The following KAT2B variants were observed in gnomAD, a reference collection of about 807,000 sequenced individuals.
KAT2B encodes lysine acetyltransferase 2B.
KAT2B carries 36 observed loss-of-function variants against 105.9 expected under a neutral mutation model. The observed-to-expected ratio is 0.34, with a 90% CI of 0.26 to 0.45. KAT2B has a LOEUF of 0.45. Among genes scored for constraint, KAT2B ranks in the 20% least tolerant of loss-of-function variants. The pLI, the probability that KAT2B is intolerant of heterozygous loss-of-function variation, is 1.00. For synonymous variants in KAT2B, 397 were observed against 377.9 expected (o/e 1.05, Z -0.59); for missense variants, 820 against 1,021.6 (o/e 0.80, Z 2.69).
At chr3:20,075,151 C>G (rs921751079) in intron 2 of KAT2B, among the ~76,000 whole-genome samples, 1 of 151,970 alleles carries the variant, frequency 6.6e-6, no homozygotes, top group African/African-American at 2.4e-5. Context: ...ATAATCCCAG[C>G]TACTCGGGAG....
chr3:20,061,913 T>C (rs368389160), intron 1 of KAT2B, among the ~76,000 whole-genome samples: 63 of 48,198 alleles, frequency 1.3e-3, no homozygotes, highest in South Asian at 9.1e-3. Flanking sequence ...ATATATAAAA[T>C]ATGTATTATA....
intron 13 of KAT2B, among the ~76,000 whole-genome samples, chr3:20,143,455 C>G (rs911129373): frequency 4.0e-5 from 6 of 151,874 alleles, no homozygotes; most frequent in Non-Finnish European, 5.9e-5. Context: ...TAGTTCAGCC[C>G]CTGTGGAAAG....
chr3:20,110,672 C>CAAA (rs55653348), intron 5 of KAT2B, among the ~76,000 whole-genome samples: 1 of 69,472 alleles, frequency 1.4e-5, no homozygotes. Context: ...GACCCTGTCT[C>CAAA]AAAAAAAAAA....
rs759821361 is a variant in KAT2B, at chr3:20,101,413, C to T, written c.796C>T (p.Arg266Ter). 2.5e-6 allele frequency: 4 copies of T among 1,614,058 alleles called. No homozygotes were observed. The highest frequency in any genetic ancestry group is 1.7e-5 in the Admixed American group (1 of 60,016). The change falls in exon 5 of 18, where the codon CGA becomes TGA. Residue 266 changes from arginine (R) to a stop codon, truncating the protein, a stop_gained. Transcript: ENST00000263754. LOFTEE classifies it high-confidence loss of function. The stretch of plus-strand genomic sequence containing the variant: ...TTGGCATCTGGAGGCACCATCTCAA[C>T]GAAGACTGCGATCTCCCAATGATGA... ...NYWHLEAPSQ[R>*]RLRSPNDDIS...
chr3:20,107,678 AAAAC>A (rs1209974129), intron 5 of KAT2B, among the ~76,000 whole-genome samples: 2 of 151,072 alleles, frequency 1.3e-5, no homozygotes, highest in Non-Finnish European at 3.0e-5. Context: ...AAAAACCACA[AAAAC>A]AAAAAACCCA....
intron 2 of KAT2B, among the ~76,000 whole-genome samples, chr3:20,079,321 C>A (rs1358057891): frequency 1.3e-5 from 2 of 151,322 alleles, no homozygotes. Context: ...TCTCCTGCTT[C>A]AGCCTCCCAA....
At chr3:20,115,618 AC>A (rs1400511851) in intron 7 of KAT2B, among the ~76,000 whole-genome samples, 1 of 152,180 alleles carries the variant, frequency 6.6e-6, no homozygotes, top group East Asian at 1.9e-4. Context: ...TGCTTTAAAA[AC>A]AAAATTGAAG....
intron 17 of KAT2B, among the ~76,000 whole-genome samples, chr3:20,150,503 C>CT (rs2125201112): frequency 6.6e-6 from 1 of 152,246 alleles, no homozygotes; most frequent in African/African-American, 2.4e-5. Context: ...CCATGGATGG[C>CT]TAGGCAGGGT....
chr3:20,084,369 C>A (rs1401581956), intron 2 of KAT2B, among the ~76,000 whole-genome samples: 1 of 152,126 alleles, frequency 6.6e-6, no homozygotes, highest in Admixed American at 6.6e-5. Context: ...CCACTCCAGA[C>A]CTGCGTTTAT....
At chr3:20,125,045 C>T (rs534775829) in intron 9 of KAT2B, among the ~76,000 whole-genome samples, 18 of 152,048 alleles carry the variant, frequency 1.2e-4, no homozygotes, top group African/African-American at 3.6e-4. Flanking sequence ...TACATGAGGC[C>T]GGGCGCGGTG....
At chr3:20,081,234 C>T (rs961858500) in intron 2 of KAT2B, among the ~76,000 whole-genome samples, 3 of 152,180 alleles carry the variant, frequency 2.0e-5, no homozygotes, top group Admixed American at 1.3e-4. Context: ...TAGCTGCCTG[C>T]CCAGCTGCTG....
At chr3:20,042,086 G>C (rs1697729754) in intron 1 of KAT2B, among the ~76,000 whole-genome samples, 1 of 152,140 alleles carries the variant, frequency 6.6e-6, no homozygotes, top group African/African-American at 2.4e-5. Flanking sequence ...GAATCTCCTG[G>C]GGAAGCTGGT....
intron 13 of KAT2B, among the ~76,000 whole-genome samples, chr3:20,142,487 G>T (rs2125193596): frequency 6.6e-6 from 1 of 152,316 alleles, no homozygotes; most frequent in South Asian, 2.1e-4. Context: ...CATGGTGGCA[G>T]CAAAGAAACA....
chr3:20,057,071 A>G (rs572684836), intron 1 of KAT2B, among the ~76,000 whole-genome samples: 1 of 152,198 alleles, frequency 6.6e-6, no homozygotes, highest in African/African-American at 2.4e-5. Context: ...TAGTTGGCTG[A>G]TAAGGGCCTG....
At chr3:20,141,081 A>T (rs1460598788) in intron 13 of KAT2B, among the ~76,000 whole-genome samples, 1 of 152,030 alleles carries the variant, frequency 6.6e-6, no homozygotes, top group Non-Finnish European at 1.5e-5. Flanking sequence ...CACACACATA[A>T]ATCAAACCGT....
chr3:20,116,009 G>A (rs564703590), intron 7 of KAT2B, among the ~76,000 whole-genome samples: 76 of 152,084 alleles, frequency 5.0e-4, no homozygotes, highest in African/African-American at 1.8e-3. Flanking sequence ...TAGTGAATGA[G>A]GAATTTTATT....
chr3:20,145,955 T>C (rs1161705368), intron 13 of KAT2B, among the ~76,000 whole-genome samples: 2 of 152,176 alleles, frequency 1.3e-5, no homozygotes, highest in Non-Finnish European at 2.9e-5. Flanking sequence ...GACTGAGTAG[T>C]GAATGCTCAG....
At chr3:20,105,151 G>T (rs1037274255) in intron 5 of KAT2B, among the ~76,000 whole-genome samples, 2 of 152,136 alleles carry the variant, frequency 1.3e-5, no homozygotes, top group African/African-American at 4.8e-5. Flanking sequence ...CTCCTAAAGT[G>T]CTGGGATTAA....
chr3:20,093,852 A>G (rs1237808468), intron 2 of KAT2B, among the ~76,000 whole-genome samples: 1 of 152,190 alleles, frequency 6.6e-6, no homozygotes, highest in Non-Finnish European at 1.5e-5. Flanking sequence ...GATAACAGAA[A>G]TAAAAGACAT....
Sources: allele counts gnomAD v4.1 joint callset (sites outside exome capture counted in the v4.1 genomes callset), GRCh38; gene constraint gnomAD v4.1.1; transcripts MANE v1.5; gene names NCBI Gene and HGNC (gene_info 2026-07-23, HGNC 2026-07-21).